The following BICRA variants were observed in gnomAD, a reference collection of about 807,000 sequenced individuals.
BICRA encodes BRD4 interacting chromatin remodeling complex associated protein.
BICRA carries 31 observed loss-of-function variants against 96.9 expected under a neutral mutation model. The ratio of observed to expected loss-of-function variants is 0.32; its 90% CI spans 0.24 to 0.43. The LOEUF is 0.43. Among genes scored for constraint, BICRA ranks in the 20% least tolerant of loss-of-function variants. BICRA has a pLI of 1.00. For missense variants in BICRA, 2,283 were observed against 2,190.3 expected (o/e 1.04, Z -0.84); for synonymous variants, 1,350 against 1,071.8 (o/e 1.26, Z -5.07).
At chr19:47,697,726 T>TGC (rs1973369545) in intron 11 of BICRA, among the ~76,000 whole-genome samples, 1 of 151,754 alleles carries the variant, frequency 6.6e-6, no homozygotes, top group Non-Finnish European at 1.5e-5. Flanking sequence ...GACCCACCCA[T>TGC]CTCAGCCTCC....
chr19:47,653,520 C>T (rs778803703), intron 1 of BICRA, among the ~76,000 whole-genome samples: 115 of 152,132 alleles, frequency 7.6e-4, no homozygotes, highest in Non-Finnish European at 1.1e-3. Context: ...TTGAATTTCT[C>T]CCTCCCCGCA....
At chr19:47,616,391 C>T (rs1040145610) in intron 1 of BICRA, among the ~76,000 whole-genome samples, 1 of 152,176 alleles carries the variant, frequency 6.6e-6, no homozygotes, top group Non-Finnish European at 1.5e-5. Flanking sequence ...AATCCCAGCA[C>T]TTTGGGAGGC....
chr19:47,684,772 G>C lies in BICRA; in HGVS notation c.2283+2620G>C, dbSNP rs182218797. Among the ~76,000 whole-genome samples, 332 of 152,282 alleles carry C rather than the reference G, an allele frequency of 2.2e-3. 1 individual carries two copies. Among genetic ancestry groups the C allele is most frequent in the Non-Finnish European group, 3.5e-3 (235 of 68,032 alleles). On this transcript the variant is annotated intron_variant, in intron 7 of 14. Coordinates refer to ENST00000594866, the MANE Select transcript of BICRA (RefSeq NM_001394372.1). The stretch of plus-strand genomic sequence containing the variant: ...AGGGCCTGGATTAAAAACCCTGGGG[G>C]CTTATTGCTGGAAACACCTGAAGTC...
At chr19:47,661,213 CAA>C (rs58327756) in intron 1 of BICRA, among the ~76,000 whole-genome samples, 9 of 76,468 alleles carry the variant, frequency 1.2e-4, no homozygotes, top group Middle Eastern at 8.5e-3. Flanking sequence ...GACTCCGTCT[CAA>C]AAAAAAAAAA....
At chr19:47,614,603 C>A in intron 1 of BICRA, among the ~76,000 whole-genome samples, 1 of 152,286 alleles carries the variant, frequency 6.6e-6, no homozygotes. Context: ...CCAGCCTGGG[C>A]GACACAGCGA....
At chr19:47,634,990 C>T (rs1379910684) in intron 1 of BICRA, among the ~76,000 whole-genome samples, 1 of 152,034 alleles carries the variant, frequency 6.6e-6, no homozygotes, top group Admixed American at 6.6e-5. Flanking sequence ...TCTCGATCTC[C>T]TGACCTCGTT....
intron 1 of BICRA, among the ~76,000 whole-genome samples, chr19:47,634,176 G>A (rs1972264490): frequency 1.3e-5 from 2 of 152,354 alleles, no homozygotes; most frequent in South Asian, 4.1e-4. Context: ...GTCAGGCCTT[G>A]ACGGGCTCTG....
Position 47,681,262 on chromosome 19 carries a change from A to G in BICRA, c.2092A>G (p.Met698Val), listed in dbSNP as rs1056257065. The G allele has an allele frequency of 1.3e-6, 2 of 1,540,534 alleles. No homozygotes were observed. Among genetic ancestry groups the G allele is most frequent in the African/African-American group, 1.4e-5 (1 of 73,420 alleles). Reference protein sequence around the residue: ...TAILTQDSLQMFLPQERSQQP... With the variant: ...TAILTQDSLQVFLPQERSQQP... Reference sequence around the variant, plus strand: ...CATCCTCACTCAGGACTCCCTGCAGATGTTCCTGCCCCAGGTAAGCAGGGC... The same window carrying G: ...CATCCTCACTCAGGACTCCCTGCAGGTGTTCCTGCCCCAGGTAAGCAGGGC... Residue 698 changes from methionine to valine, a missense_variant, in exon 6 of 15, where the codon ATG becomes GTG. Met to Val is a conservative substitution (Grantham distance 21). Transcript: ENST00000594866.
chr19:47,629,298 C>A (rs992761371), intron 1 of BICRA, among the ~76,000 whole-genome samples: 1 of 152,196 alleles, frequency 6.6e-6, no homozygotes, highest in Admixed American at 6.5e-5. Flanking sequence ...CCACCACACC[C>A]GGCGTCCAAC....
At chr19:47,693,813 TTGTC>T (rs1442559557) in intron 7 of BICRA, among the ~76,000 whole-genome samples, 5 of 152,076 alleles carry the variant, frequency 3.3e-5, no homozygotes, top group African/African-American at 1.2e-4. Context: ...GGGCTCGCCT[TTGTC>T]TGGGGAACTG....
In BICRA at chr19:47,685,790, C is replaced by CGT. The variant is rs1973145080; in HGVS notation, c.2283+3639_2283+3640insTG. On this transcript the variant is annotated intron_variant, in intron 7 of 14. Transcript: ENST00000594866. The stretch of plus-strand genomic sequence containing the variant: ...GTGTGTGTGTGTGTGTGTGTGTGCG[C>CGT]GCGCGCGCGCATGCGTACATTTTCC... Among the ~76,000 whole-genome samples, 12 of 88,772 alleles carry CGT rather than the reference C, an allele frequency of 1.4e-4. 2 individuals carry two copies. In the South Asian group the frequency reaches 3.1e-3, roughly 23 times the overall value. 58.2% of individuals were successfully genotyped at this position (88,772 alleles called of 152,430 possible).
rs60043265 is a variant in BICRA at position 47,635,005 on chromosome 19, G to A, written c.-108+25837G>A. ...TCTCGATCTCCTGACCTCGTTATCC[G>A]CCCGCCTTGGCCTCCCAAAGTGCTG... On this transcript the variant is annotated intron_variant, in intron 1 of 14. Transcript: ENST00000594866. Among the ~76,000 whole-genome samples, 1,058 of 151,972 alleles carry A rather than the reference G, an allele frequency of 7.0e-3. 19 individuals carry two copies. The highest frequency in any genetic ancestry group is 0.024 in the African/African-American group (987 of 41,452).
intron 1 of BICRA, among the ~76,000 whole-genome samples, chr19:47,610,388 C>T (rs867453336): frequency 1.1e-4 from 16 of 152,190 alleles, no homozygotes; most frequent in African/African-American, 3.9e-4. Context: ...GCTCGGGCGC[C>T]GGCGGTGATT....
chr19:47,662,663 C>T (rs1187271474), intron 1 of BICRA: 1 of 152,324 alleles, frequency 6.6e-6, no homozygotes, highest in Non-Finnish European at 1.5e-5. Flanking sequence ...AAGAGCAAGA[C>T]TCCATCTCAA....
intron 1 of BICRA, among the ~76,000 whole-genome samples, chr19:47,655,394 G>T (rs536355700): frequency 6.6e-6 from 1 of 150,840 alleles, no homozygotes; most frequent in Non-Finnish European, 1.5e-5. Context: ...GCGTGGTGGT[G>T]CATGCCTTTA....
chr19:47,696,644 G>A, intron 11 of BICRA, 132 bp downstream of exon 11: 1 of 759,962 alleles, frequency 1.3e-6, no homozygotes, highest in East Asian at 2.8e-5. Context: ...TGGTAGCGAT[G>A]TAGTTCCCTC....
At chr19:47,632,592 G>T (rs188943439) in intron 1 of BICRA, among the ~76,000 whole-genome samples, 5 of 152,364 alleles carry the variant, frequency 3.3e-5, no homozygotes, top group Admixed American at 2.6e-4. Flanking sequence ...GGAACCGCAC[G>T]TGTGGGCTCC....
intron 1 of BICRA, among the ~76,000 whole-genome samples, chr19:47,652,596 A>G (rs112929276): frequency 1.3e-5 from 2 of 152,184 alleles, no homozygotes; most frequent in African/African-American, 2.4e-5. Flanking sequence ...GCTTCCTCTT[A>G]CTACTCGTGG....
rs1297910698 is a variant in BICRA, at chr19:47,666,815, C to A, written c.-107-3628C>A. 3.3e-5 allele frequency among the ~76,000 whole-genome samples: 5 copies of A among 151,908 alleles called. No individual in the cohort carries two copies. The East Asian group carries it at 9.7e-4, about 29-fold the overall frequency. On this transcript the variant is annotated intron_variant, in intron 1 of 14. Coordinates refer to ENST00000594866, the MANE Select transcript of BICRA (RefSeq NM_001394372.1). ...TCTCCAACTCCTGAGTTTAAGCCAT[C>A]CTCCTGCCTCAGCTTCCCTGCCTTG...
Sources: gnomAD v4.1 joint callset for allele counts (sites outside exome capture counted in the v4.1 genomes callset) on GRCh38, gnomAD v4.1.1 for gene constraint, MANE v1.5 for transcripts, NCBI Gene and HGNC (gene_info 2026-07-23, HGNC 2026-07-21) for gene names.